Variants in PRUNE2 observed in about 807,000 individuals in gnomAD.
PRUNE2 encodes the protein protein prune homolog 2.
A neutral mutation model predicts 252.0 loss-of-function variants in PRUNE2; 164 were observed. That is an observed-to-expected ratio of 0.65 (90% CI 0.57 to 0.74). The LOEUF is 0.74. PRUNE2 is among the 30% of genes least tolerant of loss of function. PRUNE2 has a pLI of 0.00. For synonymous variants in PRUNE2, 1,292 were observed against 1,350.2 expected, an observed-to-expected ratio of 0.96 and a Z score of 0.94; for missense variants, 3,495 against 3,711.0, an observed-to-expected ratio of 0.94 and a Z score of 1.51.
At chr9:76,644,522 C>T (rs1410502290) in intron 12 of PRUNE2, 9 of 653,298 alleles carry the variant, frequency 1.4e-5, no homozygotes, top group African/African-American at 3.6e-5. Context: ...ATGAAAAGCC[C>T]GTTTTATATT....
intron 6 of PRUNE2, among the ~76,000 whole-genome samples, chr9:76,765,092 T>C (rs1282150179): frequency 1.3e-5 from 2 of 152,300 alleles, no homozygotes; most frequent in South Asian, 2.1e-4. Context: ...TTGAGTTCAG[T>C]AGCAGATGTA....
At chr9:76,757,393 C>A (rs1048480726) in intron 6 of PRUNE2, among the ~76,000 whole-genome samples, 1 of 152,122 alleles carries the variant, frequency 6.6e-6, no homozygotes, top group African/African-American at 2.4e-5. Flanking sequence ...TTTTTGATTG[C>A]TTGGCTGCAT....
chr9:76,683,151 G>A (rs1331974445), intron 9 of PRUNE2, among the ~76,000 whole-genome samples: 1 of 152,208 alleles, frequency 6.6e-6, no homozygotes, highest in Non-Finnish European at 1.5e-5. Context: ...ACAGGCAACT[G>A]ACCCAGGACT....
chr9:76,664,943 C>T (rs935250299), intron 9 of PRUNE2, among the ~76,000 whole-genome samples: 1 of 152,164 alleles, frequency 6.6e-6, no homozygotes, highest in Non-Finnish European at 1.5e-5. Context: ...CCCACCATTT[C>T]TTCCTCATCC....
Position 76,710,515 on chromosome 9 carries a change from G to T in PRUNE2, c.1759C>A (p.Leu587Met), listed in dbSNP as rs376667597. 72 of 1,613,846 alleles carry T rather than the reference G, an allele frequency of 4.5e-5. No individual in the cohort carries two copies. In the African/African-American group the frequency reaches 9.1e-4, roughly 20 times the overall value. ...PRDNSERNLS[L>M]TDFVGDESPS... is the part of the protein sequence containing the mutation. ...GATTCATCTCCCACAAAATCTGTCA[G>T]GCTCAAATTTCTTTCAGAGTTATCT... The change falls in exon 8 of 19, where the codon CTG becomes ATG. Residue 587 changes from leucine to methionine, a missense_variant. Leu to Met is a conservative substitution (Grantham distance 15). Coordinates refer to ENST00000376718, the MANE Select transcript of PRUNE2 (RefSeq NM_015225.3).
chr9:76,662,736 A>C (rs554783981), intron 9 of PRUNE2, among the ~76,000 whole-genome samples: 4 of 152,328 alleles, frequency 2.6e-5, no homozygotes, highest in Admixed American at 1.3e-4. Context: ...TAAAAAGTAA[A>C]GTAGCAGGTC....
At chr9:76,626,594 T>C (rs975849554) in intron 16 of PRUNE2, among the ~76,000 whole-genome samples, 25 of 152,194 alleles carry the variant, frequency 1.6e-4, no homozygotes, top group Non-Finnish European at 3.1e-4. Flanking sequence ...AAGTAACTTT[T>C]CCCAAATGGA....
intron 6 of PRUNE2, among the ~76,000 whole-genome samples, chr9:76,747,024 G>A (rs999076616): frequency 1.3e-5 from 2 of 152,246 alleles, no homozygotes; most frequent in African/African-American, 4.8e-5. Context: ...AGAAGTTCCA[G>A]AAGCCCAGAC....
intron 11 of PRUNE2, among the ~76,000 whole-genome samples, chr9:76,650,122 G>A (rs1388145311): frequency 1.3e-5 from 2 of 151,980 alleles, no homozygotes; most frequent in African/African-American, 2.4e-5. Flanking sequence ...GCAACAATGA[G>A]CTGTGTGACC....
chr9:76,866,624 G>A (rs1031019981), intron 1 of PRUNE2, among the ~76,000 whole-genome samples: 6 of 152,118 alleles, frequency 3.9e-5, no homozygotes, highest in Admixed American at 6.6e-5. Flanking sequence ...AGATGGGCAC[G>A]TGGAGTTCTC....
At chr9:76,861,651 G>A (rs947324945) in intron 1 of PRUNE2, among the ~76,000 whole-genome samples, 1 of 152,108 alleles carries the variant, frequency 6.6e-6, no homozygotes. Flanking sequence ...TCCTTAGCCT[G>A]TTTGCTGCCC....
intron 6 of PRUNE2, chr9:76,785,030 T>C (rs2054828432): frequency 6.6e-6 from 1 of 152,086 alleles, no homozygotes; most frequent in African/African-American, 2.4e-5. Flanking sequence ...CTTTGTTTGA[T>C]TTTTTTTCCA....
chr9:76,866,600 T>A (rs922334863), intron 1 of PRUNE2, among the ~76,000 whole-genome samples: 1 of 152,186 alleles, frequency 6.6e-6, no homozygotes, highest in African/African-American at 2.4e-5. Context: ...ACGCTGGCAA[T>A]TTTTGAAGCT....
At chr9:76,636,724 G>A (rs943698915) in intron 14 of PRUNE2, among the ~76,000 whole-genome samples, 167 bp from the exon 15 acceptor site, 1 of 152,162 alleles carries the variant, frequency 6.6e-6, no homozygotes, top group African/African-American at 2.4e-5. Context: ...GATCACCTGA[G>A]GTCAGGAGTT....
chr9:76,630,499 G>A (rs1481245785), intron 15 of PRUNE2, among the ~76,000 whole-genome samples: 1 of 152,022 alleles, frequency 6.6e-6, no homozygotes, highest in Non-Finnish European at 1.5e-5. Flanking sequence ...GGAAGAACTT[G>A]GTCTTATGCA....
At chr9:76,857,543 CA>C (rs1487457334) in intron 1 of PRUNE2, among the ~76,000 whole-genome samples, 3 of 152,152 alleles carry the variant, frequency 2.0e-5, no homozygotes, top group African/African-American at 7.2e-5. Context: ...CCTAAGTGCC[CA>C]ATTCCTACCA....
At chr9:76,731,226 AT>A (rs1250654870) in intron 6 of PRUNE2, among the ~76,000 whole-genome samples, 1 of 151,758 alleles carries the variant, frequency 6.6e-6, no homozygotes, top group Non-Finnish European at 1.5e-5. Context: ...ATGGGGGAAA[AT>A]CAAGTTTAAC....
At position 76,703,412 on chromosome 9, in the gene PRUNE2, T is replaced by C; in HGVS notation, c.8201A>G (p.Asn2734Ser). ...CTCCATTTCCGTGTCAGGGATCATG[T>C]TTTTCTGAACAGGCTGTGGTGAAAG... Reference protein sequence around the residue: ...EMLSPQPVQKNMIPDTEMEEE... With the variant: ...EMLSPQPVQKSMIPDTEMEEE... The change falls in exon 9 of 19, where the codon AAC becomes AGC. Residue 2734 changes from asparagine (N) to serine (S), a missense_variant. Transcript: ENST00000376718. The C allele has an allele frequency of 6.2e-7, 1 of 1,613,636 alleles. No individual in the cohort carries two copies. Among genetic ancestry groups the C allele is most frequent in the Non-Finnish European group, 8.5e-7 (1 of 1,179,712 alleles).
At chr9:76,670,947 T>A (rs2041321782) in intron 9 of PRUNE2, among the ~76,000 whole-genome samples, 1 of 151,730 alleles carries the variant, frequency 6.6e-6, no homozygotes, top group Non-Finnish European at 1.5e-5. Flanking sequence ...ACCACAAAGA[T>A]GGGGAAAAAA....
Sources: gnomAD v4.1 joint callset for allele counts (sites outside exome capture counted in the v4.1 genomes callset) on GRCh38, gnomAD v4.1.1 for gene constraint, MANE v1.5 for transcripts, NCBI Gene and HGNC (gene_info 2026-07-23, HGNC 2026-07-21) for gene names.